FNBP1: variants seen among roughly 807,000 people sequenced by gnomAD.
The protein encoded by FNBP1 is formin-binding protein 1.
In FNBP1, 26 loss-of-function variants were observed where a neutral mutation model predicts 90.6. The observed-to-expected ratio is 0.29, with a 90% CI of 0.21 to 0.40. The LOEUF (loss-of-function observed/expected upper bound fraction) is 0.40, where lower values mean the gene tolerates loss of function less well. FNBP1 is among the 10% of genes least tolerant of loss of function. FNBP1 has a pLI of 1.00. For missense variants in FNBP1, 635 were observed against 768.0 expected, an observed-to-expected ratio of 0.83 and a Z score of 2.05; for synonymous variants, 260 against 265.2, an observed-to-expected ratio of 0.98 and a Z score of 0.19.
chr9:129,951,418 CTATTTATT>C lies in FNBP1; in HGVS notation c.513+5934_513+5941del, dbSNP rs532417506. 4.9e-3 allele frequency among the ~76,000 whole-genome samples: 706 copies of C among 143,638 alleles called. 5 individuals are homozygous for C. The highest frequency in any genetic ancestry group is 0.015 in the African/African-American group (580 of 38,794). 94.2% of individuals were successfully genotyped at this position (143,638 alleles called of 152,430 possible). A position where few individuals can be genotyped will look rare whatever the true frequency, so the allele number is the denominator to read the frequency against. On this transcript the variant is annotated intron_variant, in intron 6 of 16. Coordinates refer to ENST00000446176, the MANE Select transcript of FNBP1 (RefSeq NM_015033.3). ...TGACTTGTACCTTCTTATATAATTT[CTATTTATT>C]TATTTATTTATTTATTTGTTTGTTT...
chr9:129,898,429 C>T (rs1385273996), intron 15 of FNBP1, among the ~76,000 whole-genome samples: 3 of 152,118 alleles, frequency 2.0e-5, no homozygotes, highest in Non-Finnish European at 2.9e-5. Flanking sequence ...CTTAAGGAAG[C>T]GACCTCATTC....
intron 1 of FNBP1, among the ~76,000 whole-genome samples, chr9:130,019,326 G>C (rs889717305): frequency 6.7e-6 from 1 of 150,006 alleles, no homozygotes; most frequent in African/African-American, 2.4e-5. Context: ...AGATCAAATT[G>C]TTATATTTCT....
chr9:129,925,680 G>T (rs1206785842), intron 8 of FNBP1, among the ~76,000 whole-genome samples: 4 of 119,090 alleles, frequency 3.4e-5, no homozygotes, highest in Admixed American at 1.1e-4. Context: ...CGCAACCTCC[G>T]CCTCCCAGGT....
At chr9:130,032,272 G>A (rs552976530) in intron 1 of FNBP1, among the ~76,000 whole-genome samples, 2 of 151,840 alleles carry the variant, frequency 1.3e-5, no homozygotes, top group South Asian at 2.1e-4. Context: ...CTGGTCTGAA[G>A]TGATCCTCCC....
intron 1 of FNBP1, among the ~76,000 whole-genome samples, chr9:130,030,399 C>T (rs1453351802): frequency 6.7e-6 from 1 of 148,396 alleles, no homozygotes; most frequent in Admixed American, 6.8e-5. Context: ...TGCACCATTG[C>T]ACTCCAGCCT....
At chr9:129,909,557 T>C (rs1281192946) in intron 11 of FNBP1, among the ~76,000 whole-genome samples, 1 of 150,944 alleles carries the variant, frequency 6.6e-6, no homozygotes, top group Non-Finnish European at 1.5e-5. Context: ...AAAAAGAACA[T>C]TAAAAAAAAA....
chr9:130,052,739 A>AT, the FNBP1 span, among the ~76,000 whole-genome samples: 1 of 151,900 alleles, frequency 6.6e-6, no homozygotes, highest in Non-Finnish European at 1.5e-5. Flanking sequence ...GCCAGGCCTC[A>AT]TTTCGTTTTT....
At chr9:129,960,333 G>A (rs1208799722) in intron 4 of FNBP1, among the ~76,000 whole-genome samples, 3 of 141,996 alleles carry the variant, frequency 2.1e-5, no homozygotes, top group African/African-American at 8.0e-5. Flanking sequence ...GCACTGAGCC[G>A]AGATCGCGCT....
chr9:130,022,880 T>G (rs1283226704), intron 1 of FNBP1, among the ~76,000 whole-genome samples: 1 of 152,110 alleles, frequency 6.6e-6, no homozygotes, highest in Non-Finnish European at 1.5e-5. Flanking sequence ...GTTGGCCGTG[T>G]TGCCCAGTGT....
intron 10 of FNBP1, among the ~76,000 whole-genome samples, chr9:129,921,712 C>G (rs1340330149): frequency 6.6e-6 from 1 of 152,180 alleles, no homozygotes. Context: ...TGTGCCAGGC[C>G]TCTTTTTTAC....
intron 6 of FNBP1, among the ~76,000 whole-genome samples, chr9:129,955,147 A>G (rs2046733501): frequency 6.6e-6 from 1 of 152,312 alleles, no homozygotes; most frequent in South Asian, 2.1e-4. Flanking sequence ...AGGCATGAAG[A>G]TTGGAAAAGA....
intron 13 of FNBP1, among the ~76,000 whole-genome samples, chr9:129,901,278 C>G (rs936987526): frequency 6.6e-6 from 1 of 151,592 alleles, no homozygotes; most frequent in African/African-American, 2.4e-5. Context: ...TGGTGGTGAG[C>G]GCCTGTAATC....
intron 11 of FNBP1, among the ~76,000 whole-genome samples, chr9:129,914,757 CTATATATATATATATA>C (rs756342214): frequency 1.8e-5 from 2 of 109,992 alleles, no homozygotes; most frequent in African/African-American, 3.7e-5. Context: ...ATACATATGT[CTATATATATATATATA>C]TATATATATA....
intron 2 of FNBP1, among the ~76,000 whole-genome samples, chr9:129,984,316 A>G (rs2051786773): frequency 6.6e-6 from 1 of 152,218 alleles, no homozygotes; most frequent in African/African-American, 2.4e-5. Flanking sequence ...CTCAGTCCAT[A>G]CACTTTAGAA....
intron 6 of FNBP1, chr9:129,936,484 A>G (rs1482624363): frequency 1.3e-5 from 2 of 152,108 alleles, no homozygotes; most frequent in Non-Finnish European, 2.9e-5. Flanking sequence ...CTCCTCCCCA[A>G]ACTACCTGAG....
intron 6 of FNBP1, among the ~76,000 whole-genome samples, chr9:129,948,731 CAG>C (rs1262984778): frequency 6.6e-6 from 1 of 151,900 alleles, no homozygotes; most frequent in Non-Finnish European, 1.5e-5. Flanking sequence ...TTAGTAGAGA[CAG>C]AGTTTCACCA....
intron 1 of FNBP1, among the ~76,000 whole-genome samples, chr9:129,999,880 A>C (rs534321554): frequency 1.7e-4 from 26 of 152,324 alleles, no homozygotes; most frequent in African/African-American, 5.8e-4. Flanking sequence ...ATTATCATAG[A>C]GACTTCTGCA....
rs938206658 is a variant in FNBP1 at position 129,890,565 on chromosome 9, C to G, written c.1847-19G>C. The G allele has an allele frequency of 6.3e-7, 1 of 1,577,996 alleles. No homozygotes were observed. Among genetic ancestry groups the G allele is most frequent in the Admixed American group, 1.8e-5 (1 of 54,646 alleles). ...TAGGAATCTACAACACAAAGAGAAA[C>G]AGAAAGAGAAACTCTCTGTTAGAGA... On this transcript the variant is annotated intron_variant, in intron 16 of 16. Coordinates refer to ENST00000446176, the MANE Select transcript of FNBP1 (RefSeq NM_015033.3). The surrounding 1 kb of genome is among the most constrained non-coding windows in gnomAD (Gnocchi z 5.8).
intron 16 of FNBP1, among the ~76,000 whole-genome samples, chr9:129,892,422 G>A (rs990751948): frequency 1.4e-4 from 15 of 105,286 alleles, no homozygotes; most frequent in African/African-American, 5.8e-4. Flanking sequence ...CACACAAAAA[G>A]GTTGACCGGC....
Sources: allele counts gnomAD v4.1 joint callset (sites outside exome capture counted in the v4.1 genomes callset), GRCh38; gene constraint gnomAD v4.1.1; non-coding constraint Gnocchi (gnomAD v3.1); transcripts MANE v1.5; gene names NCBI Gene and HGNC (gene_info 2026-07-23, HGNC 2026-07-21).